CDH13: variants seen among roughly 807,000 people sequenced by gnomAD.
The protein encoded by CDH13 is cadherin-13.
CDH13 carries 24 observed loss-of-function variants against 63.8 expected under a neutral mutation model. That is an observed-to-expected ratio of 0.38 (90% CI 0.27 to 0.53). The LOEUF (loss-of-function observed/expected upper bound fraction) is 0.53. Ranked by LOEUF, CDH13 falls within the 20% of genes least tolerant of loss-of-function variation. The pLI is 0.85. For missense variants in CDH13, 1,049 were observed against 903.1 expected (o/e 1.16, Z -2.07); for synonymous variants, 503 against 355.3 (o/e 1.42, Z -4.67).
chr16:83,255,415 A>T (rs1906138089), intron 5 of CDH13, among the ~76,000 whole-genome samples: 1 of 152,170 alleles, frequency 6.6e-6, no homozygotes, highest in Admixed American at 6.5e-5. Flanking sequence ...CAGATAAAAG[A>T]CTATTAAGTC....
intron 3 of CDH13, among the ~76,000 whole-genome samples, chr16:83,083,978 C>G (rs191188659): frequency 6.6e-6 from 1 of 152,168 alleles, no homozygotes; most frequent in African/African-American, 2.4e-5. Context: ...GTTTCGAGAC[C>G]AGACCTTTGC....
chr16:82,842,385 C>A (rs892763255), intron 1 of CDH13, among the ~76,000 whole-genome samples: 2 of 151,440 alleles, frequency 1.3e-5, no homozygotes, highest in Non-Finnish European at 2.9e-5. Context: ...ATTTCAAGTC[C>A]TTGGGAGTTC....
At chr16:83,701,204 C>A (rs1906168871) in intron 10 of CDH13, among the ~76,000 whole-genome samples, 1 of 152,090 alleles carries the variant, frequency 6.6e-6, no homozygotes, top group Non-Finnish European at 1.5e-5. Flanking sequence ...ACGACTGAGC[C>A]AGAATAAAAC....
chr16:82,687,947 G>A (rs945810487), intron 1 of CDH13, among the ~76,000 whole-genome samples: 4 of 152,144 alleles, frequency 2.6e-5, no homozygotes, highest in East Asian at 1.9e-4. Context: ...GCTTGGGACC[G>A]CGTTCGTAGG....
intron 1 of CDH13, among the ~76,000 whole-genome samples, chr16:82,790,645 A>T (rs1441112735): frequency 6.6e-6 from 1 of 152,156 alleles, no homozygotes; most frequent in Non-Finnish European, 1.5e-5. Context: ...TTTATAAAGG[A>T]AAGAGGTTTA....
intron 8 of CDH13, among the ~76,000 whole-genome samples, chr16:83,605,447 G>C (rs1240492981): frequency 6.6e-6 from 1 of 152,184 alleles, no homozygotes; most frequent in East Asian, 1.9e-4. Flanking sequence ...GGGGGCGCTG[G>C]AGCCGGAATT....
At chr16:83,625,156 G>C (rs1173133216) in intron 8 of CDH13, among the ~76,000 whole-genome samples, 2 of 149,592 alleles carry the variant, frequency 1.3e-5, no homozygotes, top group Non-Finnish European at 3.0e-5. Context: ...AAGAAACTCT[G>C]TGTGTGTGTG....
At chr16:83,559,122 G>A (rs977087164) in intron 7 of CDH13, among the ~76,000 whole-genome samples, 2 of 152,196 alleles carry the variant, frequency 1.3e-5, no homozygotes, top group African/African-American at 4.8e-5. Context: ...AACTAGGAGG[G>A]CAGAGTGAAG....
chr16:82,860,590 A>G (rs1446485894), intron 2 of CDH13, among the ~76,000 whole-genome samples: 2 of 152,082 alleles, frequency 1.3e-5, no homozygotes, highest in African/African-American at 4.8e-5. Context: ...TGGGTCAGCA[A>G]AATTTGATTA....
At chr16:83,765,488 G>A (rs1348980115) in intron 11 of CDH13, among the ~76,000 whole-genome samples, 1 of 151,804 alleles carries the variant, frequency 6.6e-6, no homozygotes, top group Non-Finnish European at 1.5e-5. Flanking sequence ...TTATATTATT[G>A]CAAACTTATT....
At chr16:82,875,546 G>C (rs1325463615) in intron 2 of CDH13, among the ~76,000 whole-genome samples, 2 of 152,150 alleles carry the variant, frequency 1.3e-5, no homozygotes, top group Non-Finnish European at 2.9e-5. Flanking sequence ...CTTTTACAGT[G>C]AATGACGATA....
intron 2 of CDH13, among the ~76,000 whole-genome samples, chr16:82,929,574 C>G (rs764621861): frequency 3.6e-5 from 5 of 140,086 alleles, no homozygotes; most frequent in Non-Finnish European, 7.6e-5. Context: ...ATGGCATGAA[C>G]TCGGGAGGCG....
intron 5 of CDH13, among the ~76,000 whole-genome samples, chr16:83,336,158 AGG>A (rs1435064373): frequency 2.0e-5 from 3 of 151,954 alleles, no homozygotes; most frequent in Non-Finnish European, 4.4e-5. Context: ...AAAATTTGCC[AGG>A]GGTAGTGGTA....
At chr16:83,725,222 CA>C (rs1910240613) in intron 10 of CDH13, among the ~76,000 whole-genome samples, 1 of 152,148 alleles carries the variant, frequency 6.6e-6, no homozygotes, top group Admixed American at 6.5e-5. Flanking sequence ...GATGTTCAGG[CA>C]GAGGAAATGG....
intron 7 of CDH13, among the ~76,000 whole-genome samples, chr16:83,544,793 C>T (rs1278130564): frequency 6.6e-6 from 1 of 152,150 alleles, no homozygotes; most frequent in Non-Finnish European, 1.5e-5. Flanking sequence ...GTTTCCTCAT[C>T]TGCAAAATGA....
chr16:82,946,264 G>A (rs1188985493), intron 2 of CDH13, among the ~76,000 whole-genome samples: 1 of 151,888 alleles, frequency 6.6e-6, no homozygotes, highest in Non-Finnish European at 1.5e-5. Context: ...AAATGGATGT[G>A]GGAGGGAAGG....
chr16:83,171,801 C>CT (rs1325219814), intron 4 of CDH13, among the ~76,000 whole-genome samples: 1 of 152,088 alleles, frequency 6.6e-6, no homozygotes, highest in African/African-American at 2.4e-5. Context: ...TGACATCTTT[C>CT]TTGCAAAGGC....
At chr16:83,438,880 C>G (rs1311909775) in intron 6 of CDH13, among the ~76,000 whole-genome samples, 1 of 152,092 alleles carries the variant, frequency 6.6e-6, no homozygotes, top group Admixed American at 6.6e-5. Flanking sequence ...GGGCTGAAAA[C>G]CTACAATAAC....
At chr16:83,128,030 T>C (rs73604208) in intron 4 of CDH13, among the ~76,000 whole-genome samples, 3 of 152,100 alleles carry the variant, frequency 2.0e-5, no homozygotes, top group Admixed American at 6.5e-5. Flanking sequence ...TCAAAACTCT[T>C]CCCAAACAGT....
Sources: allele counts gnomAD v4.1 joint callset (sites outside exome capture counted in the v4.1 genomes callset), GRCh38; gene constraint gnomAD v4.1.1; transcripts MANE v1.5; gene names NCBI Gene and HGNC (gene_info 2026-07-23, HGNC 2026-07-21).